The following CCSER1 variants were observed in gnomAD, a reference collection of about 807,000 sequenced individuals.
CCSER1 encodes coiled-coil serine rich protein 1.
Under a neutral mutation model 82.0 loss-of-function variants are expected in CCSER1, and 41 were observed. That is an observed-to-expected ratio of 0.50 (90% CI 0.39 to 0.65). The LOEUF (loss-of-function observed/expected upper bound fraction) is 0.65, where lower values mean the gene tolerates loss of function less well. CCSER1 is among the 30% of genes least tolerant of loss of function. The pLI is 0.00. For missense variants in CCSER1, 1,119 were observed against 1,064.2 expected (o/e 1.05, Z -0.72); for synonymous variants, 414 against 383.9 (o/e 1.08, Z -0.92).
At chr4:90,743,237 G>A (rs946529354) in intron 7 of CCSER1, among the ~76,000 whole-genome samples, 4 of 152,240 alleles carry the variant, frequency 2.6e-5, no homozygotes, top group Middle Eastern at 3.4e-3. Flanking sequence ...GTGTCCCTTT[G>A]GTTAGTGGCT....
At chr4:90,829,266 A>G (rs1390570308) in intron 8 of CCSER1, among the ~76,000 whole-genome samples, 1 of 152,160 alleles carries the variant, frequency 6.6e-6, no homozygotes, top group African/African-American at 2.4e-5. Flanking sequence ...TTTCACCAGA[A>G]AAACATCTTA....
rs1726251120 is a variant in CCSER1, at chr4:90,271,406, A to G, written c.-41-36838A>G. Among the ~76,000 whole-genome samples, 7 of 152,158 alleles carry G rather than the reference A, an allele frequency of 4.6e-5. No homozygotes were observed. The South Asian group carries it at 1.5e-3, about 32-fold the overall frequency. On this transcript the variant is annotated intron_variant, in intron 1 of 10. Coordinates refer to ENST00000509176, the MANE Select transcript of CCSER1 (RefSeq NM_001145065.2). ...CACTGGGGAAAGGATAGTCTTTTCA[A>G]TAAATGGTTCTGGGAAGACTGGATG...
chr4:91,416,652 T>C (rs1203432875), intron 10 of CCSER1, among the ~76,000 whole-genome samples: 34 of 152,208 alleles, frequency 2.2e-4, no homozygotes, highest in Admixed American at 2.2e-3. Context: ...GCTAGCCATA[T>C]GCAGGAAATT....
At chr4:90,907,228 C>G (rs1175015971) in intron 8 of CCSER1, among the ~76,000 whole-genome samples, 1 of 152,040 alleles carries the variant, frequency 6.6e-6, no homozygotes, top group Non-Finnish European at 1.5e-5. Context: ...GTTTCTTTAT[C>G]CCAAGGTCAC....
intron 10 of CCSER1, among the ~76,000 whole-genome samples, chr4:91,326,988 C>T (rs1429298875): frequency 2.0e-5 from 3 of 152,180 alleles, no homozygotes; most frequent in Non-Finnish European, 2.9e-5. Flanking sequence ...CTCTGGAAGG[C>T]ACAGCCCATG....
intron 8 of CCSER1, among the ~76,000 whole-genome samples, chr4:90,854,985 G>GAA (rs1476325139): frequency 7.2e-6 from 1 of 138,160 alleles, no homozygotes; most frequent in African/African-American, 2.7e-5. Context: ...AGTGGCACGA[G>GAA]AGAGTGTGTG....
chr4:90,932,976 AAGAAAGAGAAAG>A (rs1561384962), intron 9 of CCSER1, among the ~76,000 whole-genome samples: 1 of 38,690 alleles, frequency 2.6e-5, no homozygotes, highest in Non-Finnish European at 4.7e-5. Context: ...GAAAGAAAGA[AAGAAAGAGAAAG>A]AAAGAAAGAA....
intron 10 of CCSER1, among the ~76,000 whole-genome samples, chr4:91,203,669 G>A (rs1736116188): frequency 6.6e-6 from 1 of 151,758 alleles, no homozygotes; most frequent in Non-Finnish European, 1.5e-5. Context: ...CAGGGTAAAA[G>A]GAGAACCAAG....
chr4:91,209,150 A>G (rs951967905), intron 10 of CCSER1, among the ~76,000 whole-genome samples: 4 of 151,944 alleles, frequency 2.6e-5, no homozygotes, highest in Non-Finnish European at 4.4e-5. Context: ...GAATCATGTC[A>G]TCTGCAAACA....
chr4:91,475,054 T>A (rs979727345), intron 10 of CCSER1, among the ~76,000 whole-genome samples: 1 of 151,734 alleles, frequency 6.6e-6, no homozygotes, highest in African/African-American at 2.4e-5. Flanking sequence ...GGTGAGACAG[T>A]CTCATATAAG....
chr4:90,784,245 T>A (rs1231849078), intron 7 of CCSER1, among the ~76,000 whole-genome samples: 2 of 152,200 alleles, frequency 1.3e-5, no homozygotes, highest in African/African-American at 4.8e-5. Context: ...ACTAGCTGAA[T>A]AATTCTTGAA....
rs11932676 is a variant in CCSER1 at position 90,352,058 on chromosome 4, C to T, written c.1509+39011C>T. Reference sequence around the variant, plus strand: ...ACGGAGATTAGGCCGGGCGCAGCGGCTCACGCCTGTAATCCCAGCACTTTG... The same window carrying T: ...ACGGAGATTAGGCCGGGCGCAGCGGTTCACGCCTGTAATCCCAGCACTTTG... On this transcript the variant is annotated intron_variant, in intron 3 of 10. Transcript: ENST00000509176. 7.9e-3 allele frequency among the ~76,000 whole-genome samples: 1,206 copies of T among 152,292 alleles called. 13 individuals are homozygous for T. Among genetic ancestry groups the T allele is most frequent in the African/African-American group, 0.028 (1,161 of 41,560 alleles).
At chr4:90,524,625 C>T (rs1773527045) in intron 5 of CCSER1, among the ~76,000 whole-genome samples, 1 of 152,050 alleles carries the variant, frequency 6.6e-6, no homozygotes, top group African/African-American at 2.4e-5. Flanking sequence ...CGTGCCACTA[C>T]ACCCAGCTAA....
chr4:90,402,538 C>T (rs755221796), intron 4 of CCSER1, among the ~76,000 whole-genome samples: 69 of 152,016 alleles, frequency 4.5e-4, no homozygotes, highest in South Asian at 8.3e-4. Context: ...TTGTCAAAGC[C>T]GGGCAAGAGT....
intron 10 of CCSER1, among the ~76,000 whole-genome samples, chr4:91,578,292 C>G (rs1220575102): frequency 6.6e-6 from 1 of 151,846 alleles, no homozygotes. Context: ...AGGGTATTAT[C>G]TCAAAACTGT....
chr4:91,390,418 A>C (rs1226939600), intron 10 of CCSER1, among the ~76,000 whole-genome samples: 2 of 151,638 alleles, frequency 1.3e-5, no homozygotes, highest in African/African-American at 2.4e-5. Flanking sequence ...AATTCTTTTC[A>C]TATATTGTTG....
At chr4:91,030,809 G>A (rs13127181) in intron 9 of CCSER1, among the ~76,000 whole-genome samples, 51,149 of 151,316 alleles carry the variant, frequency 0.34, 10,391 homozygotes, top group East Asian at 0.58. Context: ...CAAAAGCTGT[G>A]TGAAAAGCTG....
chr4:91,433,851 T>C (rs1301835545), intron 10 of CCSER1, among the ~76,000 whole-genome samples: 2 of 152,210 alleles, frequency 1.3e-5, no homozygotes, highest in Non-Finnish European at 2.9e-5. Context: ...GCCTAGAAAA[T>C]GGTAGACACT....
chr4:90,425,045 C>G (rs1341990850), intron 4 of CCSER1, among the ~76,000 whole-genome samples: 1 of 151,946 alleles, frequency 6.6e-6, no homozygotes, highest in African/African-American at 2.4e-5. Flanking sequence ...TTATGTGATC[C>G]AGTTGGTCTT....
Sources: gnomAD v4.1 joint callset for allele counts (sites outside exome capture counted in the v4.1 genomes callset) on GRCh38, gnomAD v4.1.1 for gene constraint, MANE v1.5 for transcripts, NCBI Gene and HGNC (gene_info 2026-07-23, HGNC 2026-07-21) for gene names.